The following TLE4 variants were observed in gnomAD, a reference collection of about 807,000 sequenced individuals.
TLE4 encodes transducin-like enhancer protein 4.
A neutral mutation model predicts 92.8 loss-of-function variants in TLE4; 8 were observed. The observed-to-expected ratio is 0.09, with a 90% CI of 0.05 to 0.16. The LOEUF is 0.16. Among genes scored for constraint, TLE4 ranks in the 10% least tolerant of loss-of-function variants. The pLI, the probability that TLE4 is intolerant of heterozygous loss-of-function variation, is 1.00. For missense variants in TLE4, 675 were observed against 997.6 expected, an observed-to-expected ratio of 0.68 and a Z score of 4.36; for synonymous variants, 371 against 374.1, an observed-to-expected ratio of 0.99 and a Z score of 0.10.
Position 79,612,532 on chromosome 9 carries a change from C to T in TLE4, c.253-124C>T. On this transcript the variant is annotated intron_variant, in intron 4 of 19. Transcript: ENST00000376552. Reference sequence around the variant, plus strand: ...GGCTTACTGATGAGATAGTTTTCCTCTTCCTTAGGAAATATGCCAGCCAAA... The same window carrying T: ...GGCTTACTGATGAGATAGTTTTCCTTTTCCTTAGGAAATATGCCAGCCAAA... The T allele has an allele frequency of 5.8e-6, 5 of 867,716 alleles. No homozygotes were observed. The East Asian group carries it at 1.0e-4, about 17-fold the overall frequency. 53.8% of individuals were successfully genotyped at this position (867,716 alleles called of 1,614,324 possible).
chr9:79,572,677 C>G lies in TLE4; in HGVS notation c.-114C>G. ...CCGGCGGGGGCCGGGACCGCCCGAG[C>G]CGCCCCTCAGACCGAGCCGGCCGCC... On this transcript the variant is annotated 5_prime_UTR_variant, in exon 1 of 20. Coordinates refer to ENST00000376552, the MANE Select transcript of TLE4 (RefSeq NM_007005.6). 2 of 1,026,862 alleles carry G rather than the reference C, an allele frequency of 1.9e-6. No individual in the cohort carries two copies. Among genetic ancestry groups the G allele is most frequent in the Non-Finnish European group, 2.8e-6 (2 of 713,280 alleles). The allele number at this position is 1,026,862 out of a possible 1,614,324, so 63.6% of individuals were successfully genotyped here. A position where few individuals can be genotyped will look rare whatever the true frequency, so the allele number is the denominator to read the frequency against.
At chr9:79,687,755 G>T (rs192231025) in intron 8 of TLE4, among the ~76,000 whole-genome samples, 4 of 152,312 alleles carry the variant, frequency 2.6e-5, no homozygotes, top group Admixed American at 2.6e-4. Context: ...ATAAGAGGCA[G>T]TCCTTAAAAT....
intron 11 of TLE4, chr9:79,707,311 C>G: frequency 1.9e-6 from 2 of 1,037,976 alleles, no homozygotes; most frequent in Non-Finnish European, 2.9e-6. Flanking sequence ...CCCTTCCTAT[C>G]TAAAAAGTAA....
intron 14 of TLE4, among the ~76,000 whole-genome samples, chr9:79,718,299 G>A (rs1425837039): frequency 6.6e-6 from 1 of 152,078 alleles, no homozygotes; most frequent in Non-Finnish European, 1.5e-5. Flanking sequence ...GGAATGAATT[G>A]ATCTATAGGC....
chr9:79,632,525 T>C (rs1239326210), intron 6 of TLE4, among the ~76,000 whole-genome samples: 1 of 152,170 alleles, frequency 6.6e-6, no homozygotes, highest in East Asian at 1.9e-4. Context: ...TTAAGGGGGC[T>C]TTACAGTGTA....
intron 4 of TLE4, chr9:79,601,641 C>T (rs543841410): frequency 2.7e-6 from 1 of 368,938 alleles, no homozygotes; most frequent in South Asian, 2.0e-5. Context: ...AGACAGCAAA[C>T]TTAATTAATG....
At chr9:79,722,257 T>C (rs1001584076) in intron 17 of TLE4, among the ~76,000 whole-genome samples, 194 bp from the exon 18 acceptor site, 8 of 152,252 alleles carry the variant, frequency 5.3e-5, no homozygotes, top group African/African-American at 1.9e-4. Flanking sequence ...GATGTCACTT[T>C]TGACTCTGGA....
At chr9:79,651,928 T>A (rs552008328) in intron 6 of TLE4, among the ~76,000 whole-genome samples, 1 of 152,212 alleles carries the variant, frequency 6.6e-6, no homozygotes, top group Non-Finnish European at 1.5e-5. Context: ...TAGAAATGTA[T>A]GATAGCGAGG....
intron 5 of TLE4, among the ~76,000 whole-genome samples, chr9:79,620,540 G>A (rs893755077): frequency 1.3e-5 from 2 of 152,174 alleles, no homozygotes; most frequent in African/African-American, 4.8e-5. Context: ...AGCTAAAATT[G>A]TTTGGGAAGC....
At chr9:79,669,504 A>T (rs1435023569) in intron 8 of TLE4, among the ~76,000 whole-genome samples, 1 of 152,172 alleles carries the variant, frequency 6.6e-6, no homozygotes, top group African/African-American at 2.4e-5. Context: ...TAGTCAGGAA[A>T]ATTAAGCTAT....
chr9:79,626,824 C>T (rs531499303), intron 5 of TLE4, among the ~76,000 whole-genome samples: 4 of 152,162 alleles, frequency 2.6e-5, no homozygotes, highest in Admixed American at 1.3e-4. Flanking sequence ...TTTTTGATCT[C>T]TTTTTAATCC....
At position 79,573,718 on chromosome 9, in the gene TLE4, A is replaced by G. The variant is rs2036704888; in HGVS notation, c.75A>G (p.Lys25=). 1.9e-6 allele frequency: 3 copies of G among 1,607,300 alleles called. No individual in the cohort carries two copies. Among genetic ancestry groups the G allele is most frequent in the Non-Finnish European group, 2.6e-6 (3 of 1,175,010 alleles). ...PAPHQPAQPF[K]FTISESCDRI... ...CGCATCAGCCTGCTCAACCCTTTAA[A>G]TTTACAATTTCCGAATCCTGTGATC... The change falls in exon 2 of 20, where the codon AAA becomes AAG. Residue 25 remains lysine (K), a synonymous_variant. Coordinates refer to ENST00000376552, the MANE Select transcript of TLE4 (RefSeq NM_007005.6).
At chr9:79,599,285 T>C (rs1308994329) in intron 4 of TLE4, among the ~76,000 whole-genome samples, 1 of 152,224 alleles carries the variant, frequency 6.6e-6, no homozygotes, top group East Asian at 1.9e-4. Context: ...TTTTCCACTC[T>C]ATTTTTTATT....
At chr9:79,658,267 G>C (rs1275806448) in intron 8 of TLE4, among the ~76,000 whole-genome samples, 3 of 152,070 alleles carry the variant, frequency 2.0e-5, no homozygotes, top group African/African-American at 7.2e-5. Flanking sequence ...TATAGTTTTT[G>C]TAATTTTTGT....
At chr9:79,592,959 C>T (rs2043072736) in intron 4 of TLE4, among the ~76,000 whole-genome samples, 1 of 152,340 alleles carries the variant, frequency 6.6e-6, no homozygotes, top group African/African-American at 2.4e-5. Flanking sequence ...ACTGAAATTA[C>T]AATAGATGCT....
intron 4 of TLE4, among the ~76,000 whole-genome samples, chr9:79,610,862 G>A (rs1038668036): frequency 3.3e-5 from 5 of 151,872 alleles, no homozygotes; most frequent in African/African-American, 1.2e-4. Flanking sequence ...TTATGTAGGC[G>A]AACTAAAGAA....
chr9:79,633,420 C>G (rs1278602873), intron 6 of TLE4, among the ~76,000 whole-genome samples: 1 of 152,160 alleles, frequency 6.6e-6, no homozygotes, highest in East Asian at 1.9e-4. Context: ...GCCATCCTTT[C>G]CTTTCCCCCA....
intron 5 of TLE4, among the ~76,000 whole-genome samples, chr9:79,620,970 C>G (rs1287397680): frequency 6.6e-6 from 1 of 152,152 alleles, no homozygotes; most frequent in Non-Finnish European, 1.5e-5. Context: ...AAGACAACAT[C>G]AGGCCATGAA....
intron 8 of TLE4, among the ~76,000 whole-genome samples, chr9:79,704,427 C>G (rs538880452): frequency 6.6e-6 from 1 of 152,240 alleles, no homozygotes; most frequent in South Asian, 2.1e-4. Flanking sequence ...TCCCAAGTTT[C>G]TAAAGGCACT....
Sources: allele counts gnomAD v4.1 joint callset (sites outside exome capture counted in the v4.1 genomes callset), GRCh38; gene constraint gnomAD v4.1.1; transcripts MANE v1.5; gene names NCBI Gene and HGNC (gene_info 2026-07-23, HGNC 2026-07-21).